The following ALG14 variants were observed in gnomAD, a reference collection of about 807,000 sequenced individuals.
ALG14 encodes ALG14 UDP-N-acetylglucosaminyltransferase subunit, also known as UDP-N-acetylglucosamine transferase subunit ALG14.
In ALG14, 17 loss-of-function variants were observed where a neutral mutation model predicts 22.8. That is an observed-to-expected ratio of 0.75 (90% CI 0.51 to 1.12). The LOEUF is 1.12. Among genes scored for constraint, ALG14 ranks in the 50% most tolerant of loss-of-function variants. ALG14 has a pLI of 0.00. For synonymous variants in ALG14, 89 were observed against 103.7 expected (o/e 0.86, Z 0.86); for missense variants, 288 against 271.8 (o/e 1.06, Z -0.42).
intron 3 of ALG14, among the ~76,000 whole-genome samples, chr1:94,989,347 CT>C (rs879742677): frequency 4.0e-5 from 6 of 151,478 alleles, no homozygotes; most frequent in Non-Finnish European, 8.8e-5. Context: ...ACCATGTGGT[CT>C]TTTTTTTTCT....
intron 3 of ALG14, among the ~76,000 whole-genome samples, chr1:95,001,103 T>C (rs1366326680): frequency 6.6e-6 from 1 of 152,224 alleles, no homozygotes; most frequent in Non-Finnish European, 1.5e-5. Context: ...TAGGGGGTAA[T>C]ACTCAACCCT....
intron 3 of ALG14, among the ~76,000 whole-genome samples, chr1:95,008,587 AC>A (rs1279291520): frequency 6.6e-5 from 10 of 152,192 alleles, no homozygotes; most frequent in Non-Finnish European, 1.3e-4. Flanking sequence ...GAATAAAAAA[AC>A]CCTATATATT....
At chr1:94,995,204 GA>G (rs1672877423) in intron 3 of ALG14, among the ~76,000 whole-genome samples, 1 of 152,166 alleles carries the variant, frequency 6.6e-6, no homozygotes. Context: ...TATAGAAGAT[GA>G]TCTGATTCAT....
At position 94,982,688 on chromosome 1, in the gene ALG14, AG is replaced by A. The variant is rs1185564149; in HGVS notation, c.*387del. The A allele has an allele frequency of 4.0e-5, 6 of 151,616 alleles. No individual in the cohort carries two copies. The highest frequency in any genetic ancestry group is 1.6e-4 in the African/African-American group (6 of 37,522). 9.4% of individuals were successfully genotyped at this position (151,616 alleles called of 1,614,324 possible). On this transcript the variant is annotated 3_prime_UTR_variant, in exon 4 of 4. Coordinates refer to ENST00000370205, the MANE Select transcript of ALG14 (RefSeq NM_144988.4). Reference sequence around the variant, plus strand: ...TTTTTTCTCTCTTCTTTTACAATGCAGAATACTTTACAAAAAAAAAAAAAAA... The same window carrying A: ...TTTTTTCTCTCTTCTTTTACAATGCAAATACTTTACAAAAAAAAAAAAAAA...
At chr1:95,034,603 ACAGCACCAGGACCTGAACC>A (rs535143711) in intron 2 of ALG14, among the ~76,000 whole-genome samples, 1 of 152,228 alleles carries the variant, frequency 6.6e-6, no homozygotes, top group South Asian at 2.1e-4. Context: ...CCCTAAAGTG[ACAGCACCAGGACCTGAACC>A]CAGGTCTTCC....
intron 2 of ALG14, among the ~76,000 whole-genome samples, chr1:95,041,183 C>T (rs529796245): frequency 7.2e-5 from 11 of 152,210 alleles, no homozygotes; most frequent in Admixed American, 5.9e-4. Context: ...GACCGGCCTC[C>T]TTTCAAATTA....
At chr1:95,016,080 C>T (rs1366678833) in intron 3 of ALG14, among the ~76,000 whole-genome samples, 3 of 152,196 alleles carry the variant, frequency 2.0e-5, no homozygotes, top group African/African-American at 4.8e-5. Flanking sequence ...GGAGAATAAA[C>T]AGCTCACCTA....
intron 2 of ALG14, among the ~76,000 whole-genome samples, chr1:95,059,703 T>C (rs1398074296): frequency 1.3e-5 from 2 of 151,984 alleles, no homozygotes; most frequent in African/African-American, 4.8e-5. Context: ...AAATGTTCTA[T>C]TCTATATGAT....
At chr1:95,036,724 G>A (rs898663479) in intron 2 of ALG14, among the ~76,000 whole-genome samples, 2 of 152,022 alleles carry the variant, frequency 1.3e-5, no homozygotes, top group Admixed American at 6.6e-5. Context: ...ACCGCGCCTG[G>A]CCCAAGCTTC....
chr1:95,052,079 G>A (rs753299272), intron 2 of ALG14, among the ~76,000 whole-genome samples: 4 of 152,152 alleles, frequency 2.6e-5, no homozygotes, highest in South Asian at 2.1e-4. Context: ...GTTTGTGAAT[G>A]CTAAACTTTG....
intron 3 of ALG14, among the ~76,000 whole-genome samples, chr1:94,998,482 T>C (rs917378692): frequency 3.9e-5 from 6 of 152,246 alleles, no homozygotes; most frequent in Admixed American, 2.0e-4. Context: ...ATGTTAATTA[T>C]AAGCAAGTGT....
At chr1:94,995,732 G>A (rs1672894056) in intron 3 of ALG14, among the ~76,000 whole-genome samples, 1 of 152,074 alleles carries the variant, frequency 6.6e-6, no homozygotes. Context: ...TATATATTTT[G>A]GAGCCAAGTT....
intron 2 of ALG14, among the ~76,000 whole-genome samples, chr1:95,031,347 G>C (rs1376993130): frequency 1.3e-5 from 2 of 152,144 alleles, no homozygotes; most frequent in Non-Finnish European, 2.9e-5. Flanking sequence ...AAGTTGAAGT[G>C]GTGGCTGGAA....
chr1:95,044,884 A>T (rs1001578522), intron 2 of ALG14, among the ~76,000 whole-genome samples: 4 of 152,068 alleles, frequency 2.6e-5, no homozygotes, highest in African/African-American at 9.7e-5. Context: ...TTTTTTTTTA[A>T]AAAAAGCATT....
intron 3 of ALG14, among the ~76,000 whole-genome samples, chr1:95,023,127 T>C (rs1329648110): frequency 6.6e-6 from 1 of 151,892 alleles, no homozygotes; most frequent in African/African-American, 2.4e-5. Flanking sequence ...CCACCATCCA[T>C]GTCATCAACT....
At chr1:95,046,278 G>A (rs910835472) in intron 2 of ALG14, among the ~76,000 whole-genome samples, 3 of 152,072 alleles carry the variant, frequency 2.0e-5, no homozygotes, top group Non-Finnish European at 4.4e-5. Context: ...GTTAGGAACC[G>A]GGCTGCACGG....
chr1:95,038,194 A>C (rs1674259135), intron 2 of ALG14, among the ~76,000 whole-genome samples: 1 of 152,062 alleles, frequency 6.6e-6, no homozygotes, highest in Non-Finnish European at 1.5e-5. Context: ...AATACAAAAA[A>C]TTGGCCACGC....
At chr1:94,996,187 T>G (rs1056846305) in intron 3 of ALG14, among the ~76,000 whole-genome samples, 5 of 151,636 alleles carry the variant, frequency 3.3e-5, no homozygotes, top group Admixed American at 1.3e-4. Context: ...AAATGTAGAT[T>G]CTTTCTAAAT....
chr1:94,993,967 G>A (rs1406597235), intron 3 of ALG14, among the ~76,000 whole-genome samples: 1 of 152,152 alleles, frequency 6.6e-6, no homozygotes, highest in Non-Finnish European at 1.5e-5. Context: ...GAAGACAAAA[G>A]AGCTCAGAGG....
Sources: gnomAD v4.1 joint callset for allele counts (sites outside exome capture counted in the v4.1 genomes callset) on GRCh38, gnomAD v4.1.1 for gene constraint, MANE v1.5 for transcripts, NCBI Gene and HGNC (gene_info 2026-07-23, HGNC 2026-07-21) for gene names.